Variants in TMEM266 observed in about 807,000 individuals in gnomAD.
The protein encoded by TMEM266 is Hv1 related protein 1.
TMEM266 carries 33 observed loss-of-function variants against 50.5 expected under a neutral mutation model. The ratio of observed to expected loss-of-function variants is 0.65; its 90% CI spans 0.50 to 0.87. The LOEUF is 0.87. Among genes scored for constraint, TMEM266 ranks in the 40% least tolerant of loss-of-function variants. TMEM266 has a pLI of 0.00. For missense variants in TMEM266, 655 were observed against 695.1 expected, an observed-to-expected ratio of 0.94 and a Z score of 0.65; for synonymous variants, 310 against 292.3, an observed-to-expected ratio of 1.06 and a Z score of -0.62.
rs752158649 is a variant in TMEM266 at position 76,202,263 on chromosome 15, T to G, written c.1020T>G (p.Ser340Arg). 1.2e-6 allele frequency: 2 copies of G among 1,613,146 alleles called. No homozygotes were observed. Among genetic ancestry groups the G allele is most frequent in the Admixed American group, 3.3e-5 (2 of 59,906 alleles). The change falls in exon 10 of 11, where the codon AGT becomes AGG. Residue 340 changes from serine to arginine, a missense_variant and splice_region_variant. Coordinates refer to ENST00000388942, the MANE Select transcript of TMEM266 (RefSeq NM_152335.3). ...GTCAGTATTACAATGGGCCCAGCAG[T>G]GGTAAGTCTGGGTTGGGGCTGTTCT... is the stretch of plus-strand genomic sequence containing the variant.
chr15:76,080,321 TG>T (rs879698334), intron 1 of TMEM266, among the ~76,000 whole-genome samples: 15 of 196 alleles, frequency 0.077, no homozygotes, highest in Non-Finnish European at 0.12. Flanking sequence ...GGCACGATCT[TG>T]GCTCACTGCA....
rs536858452 is a variant in TMEM266 at position 76,142,345 on chromosome 15, CGCAGCCACT to C, written c.227+4454_227+4462del. Among the ~76,000 whole-genome samples the C allele has an allele frequency of 4.5e-3, 680 of 152,270 alleles. 9 individuals are homozygous for C. The highest frequency in any genetic ancestry group is 0.016 in the African/African-American group (653 of 41,542). On this transcript the variant is annotated intron_variant, in intron 3 of 10. Transcript: ENST00000388942. ...CGGAGGTTGCAGTGAGTTGAGATCA[CGCAGCCACT>C]GCACTCCAGCCTGGGTGACAGAGCG...
chr15:76,194,148 G>T (rs556382147), intron 9 of TMEM266, among the ~76,000 whole-genome samples: 1 of 152,240 alleles, frequency 6.6e-6, no homozygotes, highest in South Asian at 2.1e-4. Context: ...GCTGAGCCAC[G>T]TGTCCCAGCA....
At chr15:76,101,289 T>C (rs2036996058) in intron 1 of TMEM266, among the ~76,000 whole-genome samples, 5 of 152,162 alleles carry the variant, frequency 3.3e-5, no homozygotes. Context: ...GTCTTCTAAT[T>C]TCCATCATCT....
At chr15:76,170,785 G>A (rs2038174830) in intron 6 of TMEM266, among the ~76,000 whole-genome samples, 1 of 152,198 alleles carries the variant, frequency 6.6e-6, no homozygotes, top group Non-Finnish European at 1.5e-5. Context: ...GTCACTTGGA[G>A]GACAGAGTGC....
intron 7 of TMEM266, among the ~76,000 whole-genome samples, chr15:76,172,375 G>T (rs2038199605): frequency 1.3e-5 from 2 of 152,220 alleles, no homozygotes; most frequent in South Asian, 4.1e-4. Flanking sequence ...CACTGGGATA[G>T]ATGCTATGGT....
At chr15:76,095,471 A>G (rs1438731301) in intron 1 of TMEM266, among the ~76,000 whole-genome samples, 1 of 152,048 alleles carries the variant, frequency 6.6e-6, no homozygotes, top group Non-Finnish European at 1.5e-5. Context: ...AGCCGACTTG[A>G]TCGTGGTAGA....
intron 3 of TMEM266, among the ~76,000 whole-genome samples, chr15:76,143,298 C>T (rs1177993155): frequency 6.6e-6 from 1 of 152,158 alleles, no homozygotes; most frequent in Non-Finnish European, 1.5e-5. Context: ...AGCCTCGTGA[C>T]GTTTGCTACC....
At chr15:76,183,177 A>G (rs531384333) in intron 8 of TMEM266, among the ~76,000 whole-genome samples, 96 of 124,908 alleles carry the variant, frequency 7.7e-4, no homozygotes, top group Middle Eastern at 0.014. Context: ...GTGCAGTGAC[A>G]TGATCTCGGC....
chr15:76,130,119 T>C (rs2037483600), intron 1 of TMEM266, among the ~76,000 whole-genome samples: 1 of 146,282 alleles, frequency 6.8e-6, no homozygotes, highest in Non-Finnish European at 1.5e-5. Context: ...CTCTGGGGGC[T>C]GATGGTGGGG....
chr15:76,135,410 C>T (rs535244225), intron 2 of TMEM266, among the ~76,000 whole-genome samples: 4 of 152,246 alleles, frequency 2.6e-5, no homozygotes, highest in African/African-American at 9.6e-5. Flanking sequence ...GGAAGGGGAA[C>T]GTGAGGCAGA....
chr15:76,110,211 G>A (rs555646442), intron 1 of TMEM266, among the ~76,000 whole-genome samples: 1 of 150,710 alleles, frequency 6.6e-6, no homozygotes, highest in African/African-American at 2.4e-5. Context: ...CACCATGTTG[G>A]CCAGGCTGGT....
intron 1 of TMEM266, among the ~76,000 whole-genome samples, chr15:76,083,410 C>T (rs2036725460): frequency 6.6e-6 from 1 of 152,086 alleles, no homozygotes; most frequent in Non-Finnish European, 1.5e-5. Flanking sequence ...GCTGGCCTGA[C>T]ACTCGTCCCT....
At chr15:76,127,249 C>T (rs1283845974) in intron 1 of TMEM266, among the ~76,000 whole-genome samples, 1 of 151,706 alleles carries the variant, frequency 6.6e-6, no homozygotes, top group Non-Finnish European at 1.5e-5. Flanking sequence ...ATTTGTCAGT[C>T]ATACCTCAGC....
At position 76,204,396 on chromosome 15, in the gene TMEM266, C is replaced by A; in HGVS notation, c.*81C>A. 1 of 1,389,868 alleles carries A rather than the reference C, an allele frequency of 7.2e-7. No individual in the cohort carries two copies. The highest frequency in any genetic ancestry group is 9.8e-7 in the Non-Finnish European group (1 of 1,023,640). The allele number at this position is 1,389,868 out of a possible 1,614,324, so 86.1% of individuals were successfully genotyped here. ...GGACCCTGGAGGCTGCCAAGGGCCA[C>A]ACGCGGGGCCCAGGAGCCCACCTGG... On this transcript the variant is annotated 3_prime_UTR_variant, in exon 11 of 11. Transcript: ENST00000388942.
In TMEM266 at chr15:76,204,375, C is replaced by G. The variant is rs2038803802; in HGVS notation, c.*60C>G. 1 of 1,492,152 alleles carries G rather than the reference C, an allele frequency of 6.7e-7. No homozygotes were observed. Among genetic ancestry groups the G allele is most frequent in the African/African-American group, 1.4e-5 (1 of 71,688 alleles). The allele number at this position is 1,492,152 out of a possible 1,614,324, so 92.4% of individuals were successfully genotyped here. A position where few individuals can be genotyped will look rare whatever the true frequency, so the allele number is the denominator to read the frequency against. On this transcript the variant is annotated 3_prime_UTR_variant, in exon 11 of 11. Coordinates refer to ENST00000388942, the MANE Select transcript of TMEM266 (RefSeq NM_152335.3). ...AGCCATCTCAAAGCTCTCCTGGGAC[C>G]CTGGAGGCTGCCAAGGGCCACACGC...
At chr15:76,085,406 C>T (rs1474998325) in intron 1 of TMEM266, among the ~76,000 whole-genome samples, 1 of 151,920 alleles carries the variant, frequency 6.6e-6, no homozygotes, top group African/African-American at 2.4e-5. Context: ...TACAGGCATG[C>T]ACCACCACAC....
At chr15:76,083,349 C>T (rs2036724569) in intron 1 of TMEM266, among the ~76,000 whole-genome samples, 1 of 151,780 alleles carries the variant, frequency 6.6e-6, no homozygotes, top group African/African-American at 2.4e-5. Context: ...TTTCCTGCTC[C>T]TTGGTCTCGA....
intron 3 of TMEM266, among the ~76,000 whole-genome samples, chr15:76,141,321 C>T (rs576256264): frequency 3.3e-5 from 5 of 151,864 alleles, no homozygotes; most frequent in South Asian, 2.1e-4. Context: ...CTGCAACCTC[C>T]GTCTCCCAGG....
Sources: gnomAD v4.1 joint callset for allele counts (sites outside exome capture counted in the v4.1 genomes callset) on GRCh38, gnomAD v4.1.1 for gene constraint, MANE v1.5 for transcripts, NCBI Gene and HGNC (gene_info 2026-07-23, HGNC 2026-07-21) for gene names.